The following CNTN1 variants were observed in gnomAD, a reference collection of about 807,000 sequenced individuals.
CNTN1 encodes contactin 1.
In CNTN1, 38 loss-of-function variants were observed where a neutral mutation model predicts 126.4. The observed-to-expected ratio is 0.30, with a 90% confidence interval of 0.23 to 0.39. CNTN1 has a LOEUF of 0.39. Among genes scored for constraint, CNTN1 ranks in the 10% least tolerant of loss-of-function variants. CNTN1 has a pLI of 1.00. For synonymous variants in CNTN1, 413 were observed against 422.6 expected (o/e 0.98, Z 0.28); for missense variants, 1,009 against 1,248.4 (o/e 0.81, Z 2.89).
rs751369314 is a variant in CNTN1, at chr12:40,922,367, C to T, written c.339C>T (p.Tyr113=). 1 of 1,614,018 alleles carries T rather than the reference C, an allele frequency of 6.2e-7. No homozygotes were observed. Among genetic ancestry groups the T allele is most frequent in the Non-Finnish European group, 8.5e-7 (1 of 1,179,898 alleles). The change falls in exon 5 of 24, where the codon TAC becomes TAT. Residue 113 remains tyrosine, a synonymous_variant. Coordinates refer to ENST00000551295, the MANE Select transcript of CNTN1 (RefSeq NM_001843.4). ...AACAGAAAGATGCTGGAATATACTA[C>T]TGTTTAGCATCTAATAACTACGGGA... ...PDKQKDAGIY[Y]CLASNNYGMV...
chr12:40,715,565 T>C (rs1942028587), intron 1 of CNTN1, among the ~76,000 whole-genome samples: 2 of 152,300 alleles, frequency 1.3e-5, no homozygotes, highest in South Asian at 4.1e-4. Flanking sequence ...CCCCTTGTGT[T>C]GGAGAAAATA....
At position 40,900,055 on chromosome 12, in the gene CNTN1, A is replaced by C. The variant is rs992487676; in HGVS notation, c.-76-8302A>C. On this transcript the variant is annotated intron_variant, in intron 1 of 23. Transcript: ENST00000551295. ...GCAATCCATGTAATCCCTTTAAGTC[A>C]GTCCATCTCTAGAAATGGCTGCTGA... 3.3e-5 allele frequency among the ~76,000 whole-genome samples: 5 copies of C among 152,172 alleles called. No individual in the cohort carries two copies. In the East Asian group the frequency reaches 9.6e-4, roughly 29 times the overall value.
At chr12:40,741,428 T>C (rs1022289367) in intron 1 of CNTN1, among the ~76,000 whole-genome samples, 5 of 152,056 alleles carry the variant, frequency 3.3e-5, no homozygotes, top group African/African-American at 1.2e-4. Context: ...TTTCTTCCTA[T>C]ATATGCTCTA....
intron 17 of CNTN1, among the ~76,000 whole-genome samples, chr12:41,005,848 T>G (rs189997448): frequency 4.1e-4 from 62 of 152,308 alleles, no homozygotes; most frequent in African/African-American, 1.4e-3. Context: ...TTAGCTTCCT[T>G]ACCTTGGGTT....
chr12:41,046,851 T>C (rs906735314), intron 23 of CNTN1, among the ~76,000 whole-genome samples: 5 of 143,918 alleles, frequency 3.5e-5, no homozygotes, highest in South Asian at 2.2e-4. Flanking sequence ...TTATTTCTTT[T>C]TTTTTTTTTT....
rs540623457 is a variant in CNTN1, at chr12:41,071,935, G to C, written c.*1900G>C. On this transcript the variant is annotated 3_prime_UTR_variant, in exon 24 of 24. Transcript: ENST00000551295. Reference sequence around the variant, plus strand: ...TAAATCTTTTGCCAAATGCATGCTTGCCTTTTATTTTCTAATATATGATAA... The same window carrying C: ...TAAATCTTTTGCCAAATGCATGCTTCCCTTTTATTTTCTAATATATGATAA... 3 of 152,212 alleles carry C rather than the reference G, an allele frequency of 2.0e-5. No individual in the cohort carries two copies. Among genetic ancestry groups the C allele is most frequent in the Admixed American group, 2.0e-4 (3 of 15,288 alleles). 9.4% of individuals were successfully genotyped at this position (152,212 alleles called of 1,614,324 possible).
intron 1 of CNTN1, among the ~76,000 whole-genome samples, chr12:40,788,030 T>TA (rs1031373628): frequency 5.3e-4 from 80 of 152,184 alleles, no homozygotes; most frequent in African/African-American, 1.7e-3. Flanking sequence ...CTATTAAAAA[T>TA]AAAAAAATAC....
At chr12:40,723,032 C>A (rs1942258156) in intron 1 of CNTN1, among the ~76,000 whole-genome samples, 2 of 152,112 alleles carry the variant, frequency 1.3e-5, no homozygotes, top group Admixed American at 1.3e-4. Context: ...CTTAAAATCT[C>A]TCAGCCTGCT....
At chr12:40,925,616 T>A (rs1384382911) in intron 6 of CNTN1, among the ~76,000 whole-genome samples, 1 of 145,408 alleles carries the variant, frequency 6.9e-6, no homozygotes, top group Non-Finnish European at 1.5e-5. Flanking sequence ...CGTGTATATA[T>A]ATATATACAC....
At chr12:40,944,497 T>C (rs905319178) in intron 14 of CNTN1, among the ~76,000 whole-genome samples, 22 of 152,088 alleles carry the variant, frequency 1.4e-4, no homozygotes, top group Non-Finnish European at 2.9e-5. Flanking sequence ...TCCTTTTTAC[T>C]TTAAATGAAG....
intron 1 of CNTN1, among the ~76,000 whole-genome samples, chr12:40,737,120 T>A (rs1305993820): frequency 6.6e-6 from 1 of 151,610 alleles, no homozygotes; most frequent in African/African-American, 2.4e-5. Flanking sequence ...TAAATCCAGA[T>A]TGATTGGTGG....
chr12:41,042,886 A>T (rs1949449044), intron 23 of CNTN1, among the ~76,000 whole-genome samples: 1 of 152,306 alleles, frequency 6.6e-6, no homozygotes, highest in African/African-American at 2.4e-5. Flanking sequence ...CCTGGGAAAA[A>T]CAAGCAATGG....
intron 17 of CNTN1, among the ~76,000 whole-genome samples, chr12:40,996,018 A>G (rs1275750013): frequency 6.6e-6 from 1 of 152,144 alleles, no homozygotes; most frequent in Non-Finnish European, 1.5e-5. Flanking sequence ...TTTGCTCCTA[A>G]ACCACTTTCT....
chr12:40,830,659 AAAG>A (rs1941778844), intron 1 of CNTN1, among the ~76,000 whole-genome samples: 2 of 149,938 alleles, frequency 1.3e-5, no homozygotes, highest in Admixed American at 1.3e-4. Context: ...ATAATATTTT[AAAG>A]TAGAAAGGTG....
chr12:40,856,012 A>T (rs985088164), intron 1 of CNTN1, among the ~76,000 whole-genome samples: 1 of 152,148 alleles, frequency 6.6e-6, no homozygotes, highest in Non-Finnish European at 1.5e-5. Context: ...CAAAGAGTTT[A>T]CATGCTCAAT....
intron 23 of CNTN1, among the ~76,000 whole-genome samples, chr12:41,068,012 G>C (rs576967070): frequency 6.6e-6 from 1 of 152,242 alleles, no homozygotes; most frequent in South Asian, 2.1e-4. Context: ...TTTTCCTTCT[G>C]TGCCCTTGCC....
chr12:41,045,676 G>T (rs1302420530), intron 23 of CNTN1, among the ~76,000 whole-genome samples: 1 of 152,076 alleles, frequency 6.6e-6, no homozygotes, highest in Non-Finnish European at 1.5e-5. Flanking sequence ...CCCATAGTTG[G>T]GTAAGGCTAG....
At chr12:40,966,857 G>A (rs1346382476) in intron 15 of CNTN1, among the ~76,000 whole-genome samples, 1 of 152,092 alleles carries the variant, frequency 6.6e-6, no homozygotes, top group Non-Finnish European at 1.5e-5. Flanking sequence ...ACTATGTTAT[G>A]CGCTAATATA....
intron 23 of CNTN1, among the ~76,000 whole-genome samples, chr12:41,058,227 C>T (rs1949867444): frequency 6.6e-6 from 1 of 152,066 alleles, no homozygotes; most frequent in South Asian, 2.1e-4. Context: ...TCTCTCAACA[C>T]CTAGAAAATT....
Sources: gnomAD v4.1 joint callset for allele counts (sites outside exome capture counted in the v4.1 genomes callset) on GRCh38, gnomAD v4.1.1 for gene constraint, MANE v1.5 for transcripts, NCBI Gene and HGNC (gene_info 2026-07-23, HGNC 2026-07-21) for gene names.